Variants in EXOC6B observed in about 807,000 individuals in gnomAD.
The protein encoded by EXOC6B is SEC15 homolog B.
A neutral mutation model predicts 113.5 loss-of-function variants in EXOC6B; 54 were observed. The observed-to-expected ratio is 0.48, with a 90% CI of 0.38 to 0.60. EXOC6B has a LOEUF of 0.60. Among genes scored for constraint, EXOC6B ranks in the 20% least tolerant of loss-of-function variants. EXOC6B has a pLI of 0.00. For synonymous variants in EXOC6B, 357 were observed against 339.0 expected, an observed-to-expected ratio of 1.05 and a Z score of -0.58; for missense variants, 797 against 977.5, an observed-to-expected ratio of 0.82 and a Z score of 2.46.
chr2:72,605,264 A>G (rs1670681444), intron 6 of EXOC6B, among the ~76,000 whole-genome samples: 1 of 151,158 alleles, frequency 6.6e-6, no homozygotes, highest in Non-Finnish European at 1.5e-5. Context: ...AGCCTAGGCG[A>G]CAGAGCAAGA....
In EXOC6B at chr2:72,179,443, G is replaced by A. The variant is rs761714583; in HGVS notation, c.2328C>T (p.Arg776=). 3 of 1,613,858 alleles carry A rather than the reference G, an allele frequency of 1.9e-6. No individual in the cohort carries two copies. Among genetic ancestry groups the A allele is most frequent in the Non-Finnish European group, 2.5e-6 (3 of 1,179,868 alleles). The change falls in exon 22 of 22, where the codon CGC becomes CGT. Residue 776 remains arginine, a synonymous_variant. Transcript: ENST00000272427. The part of the protein sequence containing the change: ...TLLEKMKDTS[R]KNNMFAQFRK... ...GAAACTGTGCAAACATGTTGTTCTT[G>A]CGGCTAGTATCCTTCATCCTAAACA...
chr2:72,561,918 G>T (rs1230874234), intron 7 of EXOC6B, among the ~76,000 whole-genome samples: 1 of 152,086 alleles, frequency 6.6e-6, no homozygotes, highest in Non-Finnish European at 1.5e-5. Flanking sequence ...CTAAGCATAA[G>T]ACTGCCTGCT....
At chr2:72,760,283 A>T (rs1041490195) in intron 1 of EXOC6B, among the ~76,000 whole-genome samples, 2 of 152,176 alleles carry the variant, frequency 1.3e-5, no homozygotes, top group Admixed American at 1.3e-4. Flanking sequence ...CTTCCCTGGC[A>T]TATCATAGAG....
intron 1 of EXOC6B, among the ~76,000 whole-genome samples, chr2:72,822,215 G>A (rs1686620285): frequency 1.3e-5 from 2 of 152,150 alleles, no homozygotes; most frequent in African/African-American, 2.4e-5. Context: ...ATAACACAAA[G>A]CAGGAATGAA....
chr2:72,616,595 A>G (rs989185906), intron 6 of EXOC6B, among the ~76,000 whole-genome samples: 1 of 152,200 alleles, frequency 6.6e-6, no homozygotes, highest in Non-Finnish European at 1.5e-5. Context: ...GAGCTTGTGC[A>G]GGGAAGCTCT....
rs749667540 is a variant in EXOC6B at position 72,558,234 on chromosome 2, TA to T, written c.915+1218del. ...GTATTCACTATTTTAACCACCTATT[TA>T]AAAAAAAACAGCAAGGAATTGTAGA... On this transcript the variant is annotated intron_variant, in intron 8 of 21. Coordinates refer to ENST00000272427, the MANE Select transcript of EXOC6B (RefSeq NM_015189.3). Among the ~76,000 whole-genome samples, 695 of 150,078 alleles carry T rather than the reference TA, an allele frequency of 4.6e-3. 3 individuals carry two copies. The highest frequency in any genetic ancestry group is 8.0e-3 in the Non-Finnish European group (540 of 67,474).
chr2:72,522,460 T>C (rs935425013), intron 8 of EXOC6B, among the ~76,000 whole-genome samples: 3 of 152,210 alleles, frequency 2.0e-5, no homozygotes, highest in African/African-American at 7.2e-5. Flanking sequence ...GTTTTCTACG[T>C]TGTTTATCTT....
intron 20 of EXOC6B, among the ~76,000 whole-genome samples, chr2:72,319,424 A>G (rs1687722533): frequency 6.6e-6 from 1 of 152,192 alleles, no homozygotes; most frequent in Non-Finnish European, 1.5e-5. Context: ...AACAAAAGGT[A>G]TCTAGACTGG....
At chr2:72,767,245 C>A (rs1402496444) in intron 1 of EXOC6B, among the ~76,000 whole-genome samples, 1 of 151,972 alleles carries the variant, frequency 6.6e-6, no homozygotes, top group Non-Finnish European at 1.5e-5. Flanking sequence ...GACTAGGCAA[C>A]ATGGTGAAAC....
intron 20 of EXOC6B, among the ~76,000 whole-genome samples, chr2:72,218,008 A>C (rs1320238127): frequency 6.6e-6 from 1 of 152,226 alleles, no homozygotes; most frequent in African/African-American, 2.4e-5. Context: ...TACAGATGAA[A>C]AGAATAAGGC....
intron 18 of EXOC6B, among the ~76,000 whole-genome samples, chr2:72,400,893 G>T (rs1693099208): frequency 6.6e-6 from 1 of 151,804 alleles, no homozygotes; most frequent in Admixed American, 6.6e-5. Flanking sequence ...AAATTTCTCA[G>T]AAAACTAAAA....
intron 20 of EXOC6B, among the ~76,000 whole-genome samples, chr2:72,296,346 T>C (rs190996539): frequency 6.6e-6 from 1 of 152,234 alleles, no homozygotes; most frequent in Admixed American, 6.5e-5. Context: ...AATCAGACAG[T>C]CAAATTTCCT....
At chr2:72,802,396 T>C (rs1019543021) in intron 1 of EXOC6B, among the ~76,000 whole-genome samples, 6 of 152,032 alleles carry the variant, frequency 3.9e-5, no homozygotes, top group African/African-American at 4.8e-5. Context: ...GCTAAATATA[T>C]TGTGCAATCT....
intron 8 of EXOC6B, among the ~76,000 whole-genome samples, chr2:72,524,477 C>A (rs1352400541): frequency 6.6e-6 from 1 of 152,110 alleles, no homozygotes; most frequent in African/African-American, 2.4e-5. Flanking sequence ...GTCACAGCTC[C>A]ATTTCTATGT....
At chr2:72,318,992 G>GAATTATTCATTAA (rs1312982109) in intron 20 of EXOC6B, among the ~76,000 whole-genome samples, 2 of 151,068 alleles carry the variant, frequency 1.3e-5, no homozygotes, top group African/African-American at 4.9e-5. Context: ...AATTTAAATT[G>GAATTATTCATTAA]GTATAACCCT....
chr2:72,694,220 G>C (rs1677701533), intron 6 of EXOC6B, among the ~76,000 whole-genome samples: 1 of 152,098 alleles, frequency 6.6e-6, no homozygotes, highest in Admixed American at 6.6e-5. Flanking sequence ...TTCACAGGCA[G>C]ATCACTTGAG....
At chr2:72,746,954 C>T (rs978913559) in intron 1 of EXOC6B, among the ~76,000 whole-genome samples, 4 of 151,980 alleles carry the variant, frequency 2.6e-5, no homozygotes, top group Non-Finnish European at 5.9e-5. Context: ...AGTTAAATGC[C>T]TTAATCAAAA....
At chr2:72,315,223 C>T (rs534823799) in intron 20 of EXOC6B, among the ~76,000 whole-genome samples, 11 of 152,182 alleles carry the variant, frequency 7.2e-5, no homozygotes, top group African/African-American at 2.6e-4. Flanking sequence ...AAAGTCATAT[C>T]AAGTGCAAAG....
chr2:72,786,789 AT>A (rs1684399650), intron 1 of EXOC6B, among the ~76,000 whole-genome samples: 2 of 152,226 alleles, frequency 1.3e-5, no homozygotes, highest in South Asian at 4.1e-4. Flanking sequence ...TAAGCACAGC[AT>A]TTCACACATA....
Sources: allele counts gnomAD v4.1 joint callset (sites outside exome capture counted in the v4.1 genomes callset), GRCh38; gene constraint gnomAD v4.1.1; transcripts MANE v1.5; gene names NCBI Gene and HGNC (gene_info 2026-07-23, HGNC 2026-07-21).